The following PSME4 variants were observed in gnomAD, a reference collection of about 807,000 sequenced individuals.
PSME4 encodes proteasome activator subunit 4, also known as proteasome activator complex subunit 4.
Under a neutral mutation model 253.9 loss-of-function variants are expected in PSME4, and 89 were observed. The ratio of observed to expected loss-of-function variants is 0.35; its 90% confidence interval spans 0.30 to 0.42. The LOEUF (loss-of-function observed/expected upper bound fraction) is 0.42, where lower values mean the gene tolerates loss of function less well. PSME4 is among the 10% of genes least tolerant of loss of function. The pLI, the probability that PSME4 is intolerant of heterozygous loss-of-function variation, is 1.00. For missense variants in PSME4, 2,014 were observed against 2,195.2 expected, an observed-to-expected ratio of 0.92 and a Z score of 1.65; for synonymous variants, 851 against 759.2, an observed-to-expected ratio of 1.12 and a Z score of -1.99.
Position 53,897,861 on chromosome 2 carries a change from G to T in PSME4, c.3606+9C>A. The T allele has an allele frequency of 1.2e-6, 2 of 1,612,970 alleles. No individual in the cohort carries two copies. The highest frequency in any genetic ancestry group is 1.7e-6 in the Non-Finnish European group (2 of 1,179,088). On this transcript the variant is annotated intron_variant, in intron 31 of 46. Transcript: ENST00000404125. ...AAACCCAAGACTGTAGCTAAAACAAGGTATGTACCTTTCGAACTACAATTG... is the reference window on the plus strand; with the variant it reads ...AAACCCAAGACTGTAGCTAAAACAATGTATGTACCTTTCGAACTACAATTG...
chr2:53,872,081 AATTT>A (rs1281686930), intron 43 of PSME4, among the ~76,000 whole-genome samples: 1 of 152,100 alleles, frequency 6.6e-6, no homozygotes, highest in African/African-American at 2.4e-5. Flanking sequence ...GAGATGTTTT[AATTT>A]ATTTTTCTCT....
chr2:53,890,245 C>A, intron 36 of PSME4, 37 bp from the exon 37 acceptor site: 2 of 1,358,382 alleles, frequency 1.5e-6, no homozygotes, highest in Non-Finnish European at 2.1e-6. Flanking sequence ...GAGTTAATGA[C>A]ACTCAGAACA....
chr2:53,955,337 C>A (rs894396382), intron 1 of PSME4, among the ~76,000 whole-genome samples: 1 of 152,094 alleles, frequency 6.6e-6, no homozygotes, highest in Non-Finnish European at 1.5e-5. Context: ...GAATGTGGCC[C>A]AACACAAATG....
Position 53,864,490 on chromosome 2 carries a change from A to G in PSME4, c.*1088T>C, listed in dbSNP as rs1678477280. ...TAACAAGATAAAGAAAATAATTTAA[A>G]AACACAAAAAATGGCATTCAGTGGG... On this transcript the variant is annotated 3_prime_UTR_variant, in exon 47 of 47. Coordinates refer to ENST00000404125, the MANE Select transcript of PSME4 (RefSeq NM_014614.3). 6.6e-6 allele frequency: 1 copy of G among 152,586 alleles called. No homozygotes were observed. Among genetic ancestry groups the G allele is most frequent in the South Asian group, 2.1e-4 (1 of 4,824 alleles). The allele number at this position is 152,586 out of a possible 1,614,324, so 9.5% of individuals were successfully genotyped here. A position where few individuals can be genotyped will look rare whatever the true frequency, so the allele number is the denominator to read the frequency against.
chr2:53,868,130 C>G (rs1169043689), intron 44 of PSME4, among the ~76,000 whole-genome samples: 1 of 151,728 alleles, frequency 6.6e-6, no homozygotes, highest in Non-Finnish European at 1.5e-5. Flanking sequence ...AACAAAAGAC[C>G]TAAAAATACT....
chr2:53,938,790 T>C (rs774436046), intron 4 of PSME4, among the ~76,000 whole-genome samples: 2 of 152,208 alleles, frequency 1.3e-5, no homozygotes, highest in African/African-American at 2.4e-5. Context: ...AAAATAAAAT[T>C]ATATTTCTAA....
In PSME4 at chr2:53,926,344, T is replaced by C. The variant is rs528711408; in HGVS notation, c.1594-321A>G. ...AGTCTAGTCTCTCACTACCTGAATGTCCAGAAAAATATAAACAATAACATG... is the reference window on the plus strand; with the variant it reads ...AGTCTAGTCTCTCACTACCTGAATGCCCAGAAAAATATAAACAATAACATG... On this transcript the variant is annotated intron_variant, in intron 12 of 46. Transcript: ENST00000404125. Among the ~76,000 whole-genome samples the C allele has an allele frequency of 6.6e-5, 10 of 152,268 alleles. No individual in the cohort carries two copies. The South Asian group carries it at 1.7e-3, about 25-fold the overall frequency.
At chr2:53,873,164 C>T (rs945224095) in intron 43 of PSME4, among the ~76,000 whole-genome samples, 1 of 148,880 alleles carries the variant, frequency 6.7e-6, no homozygotes, top group African/African-American at 2.5e-5. Context: ...TGGCGTGAAC[C>T]CAGGAGGCGG....
chr2:53,938,788 A>T (rs1051583244), intron 4 of PSME4, among the ~76,000 whole-genome samples: 6 of 152,198 alleles, frequency 3.9e-5, no homozygotes, highest in Admixed American at 2.0e-4. Flanking sequence ...GAAAAATAAA[A>T]TTATATTTCT....
intron 18 of PSME4, among the ~76,000 whole-genome samples, chr2:53,920,618 G>A (rs552207573): frequency 6.6e-6 from 1 of 152,150 alleles, no homozygotes; most frequent in Admixed American, 6.5e-5. Flanking sequence ...ATGAGTTTAA[G>A]TGAGGCTTAG....
At position 53,911,739 on chromosome 2, in the gene PSME4, A is replaced by G. The variant is rs72799258; in HGVS notation, c.2517-1609T>C. 1.7e-3 allele frequency among the ~76,000 whole-genome samples: 257 copies of G among 152,340 alleles called. No homozygotes were observed. In the Middle Eastern group the frequency reaches 0.024, roughly 14 times the overall value. On this transcript the variant is annotated intron_variant, in intron 20 of 46. Coordinates refer to ENST00000404125, the MANE Select transcript of PSME4 (RefSeq NM_014614.3). ...TGCAGTCTGTATCTAATGCCATATA[A>G]TATTAAATCAAGCATGAATTTTAAT...
At chr2:53,951,447 T>C (rs1161675445) in intron 1 of PSME4, among the ~76,000 whole-genome samples, 2 of 152,224 alleles carry the variant, frequency 1.3e-5, no homozygotes, top group Non-Finnish European at 2.9e-5. Flanking sequence ...TTCTTCAAAA[T>C]TCTTGGTTCA....
intron 28 of PSME4, among the ~76,000 whole-genome samples, chr2:53,900,644 A>G (rs1451392619): frequency 6.6e-6 from 1 of 152,232 alleles, no homozygotes; most frequent in Admixed American, 6.5e-5. Context: ...GATATTTATG[A>G]TATGTGAATT....
intron 40 of PSME4, among the ~76,000 whole-genome samples, chr2:53,886,231 G>A (rs1325682849): frequency 6.6e-6 from 1 of 152,118 alleles, no homozygotes; most frequent in Non-Finnish European, 1.5e-5. Context: ...AACATATGGA[G>A]ACCCCTGTCT....
chr2:53,887,791 C>T, intron 39 of PSME4, 67 bp downstream of exon 39: 2 of 1,463,830 alleles, frequency 1.4e-6, no homozygotes, highest in African/African-American at 1.4e-5. Flanking sequence ...GTATTATTAC[C>T]TATTACAATT....
At chr2:53,912,919 T>G (rs1667890037) in intron 20 of PSME4, among the ~76,000 whole-genome samples, 1 of 152,238 alleles carries the variant, frequency 6.6e-6, no homozygotes, top group Admixed American at 6.5e-5. Context: ...CTTTTAGCTA[T>G]GCACATAATC....
intron 34 of PSME4, among the ~76,000 whole-genome samples, chr2:53,894,098 G>C (rs1488488949): frequency 6.6e-6 from 1 of 152,012 alleles, no homozygotes; most frequent in East Asian, 1.9e-4. Context: ...TGTAACACCT[G>C]GTGTGCAATT....
At chr2:53,929,564 G>C (rs1170229600) in intron 10 of PSME4, among the ~76,000 whole-genome samples, 1 of 151,440 alleles carries the variant, frequency 6.6e-6, no homozygotes, top group Non-Finnish European at 1.5e-5. Flanking sequence ...CAAAGTCCTG[G>C]GACTACAGGC....
At chr2:53,872,741 C>CAAAAA (rs61308177) in intron 43 of PSME4, among the ~76,000 whole-genome samples, 2 of 48,006 alleles carry the variant, frequency 4.2e-5, no homozygotes, top group African/African-American at 7.9e-5. Context: ...GACTTGGTCT[C>CAAAAA]AAAAAAAAAA....
Sources: gnomAD v4.1 joint callset for allele counts (sites outside exome capture counted in the v4.1 genomes callset) on GRCh38, gnomAD v4.1.1 for gene constraint, MANE v1.5 for transcripts, NCBI Gene and HGNC (gene_info 2026-07-23, HGNC 2026-07-21) for gene names.